ATP7A: variants seen among roughly 807,000 people sequenced by gnomAD.
The protein encoded by ATP7A is copper-transporting ATPase 1.
In ATP7A, 7 loss-of-function variants were observed where a neutral mutation model predicts 83.5. That is an observed-to-expected ratio of 0.08 (90% CI 0.05 to 0.16). ATP7A has a LOEUF of 0.16. ATP7A is among the 10% of genes least tolerant of loss of function. ATP7A has a pLI of 1.00. For synonymous variants in ATP7A, 354 were observed against 395.2 expected (o/e 0.90, Z 1.24); for missense variants, 940 against 1,120.8 (o/e 0.84, Z 2.30).
chrX:78,012,855 A>G lies in ATP7A; in HGVS notation c.2173-24A>G, dbSNP rs373061724. The G allele has an allele frequency of 1.5e-3, 1,707 of 1,140,414 alleles. 1 individual carries two copies. The highest frequency in any genetic ancestry group is 2.7e-3 in the South Asian group (150 of 55,334). 94.0% of individuals were successfully genotyped at this position (1,140,414 alleles called of 1,213,427 possible). A position where few individuals can be genotyped will look rare whatever the true frequency, so the allele number is the denominator to read the frequency against. ...GAATTTCAGCATTTTTTAAAATTCA[A>G]TGATTATCATTCCTATATTGCAGTT... On this transcript the variant is annotated intron_variant, in intron 9 of 22. Transcript: ENST00000341514.
intron 1 of ATP7A, among the ~76,000 whole-genome samples, chrX:77,927,813 G>A (rs1416506602): frequency 9.1e-6 from 1 of 110,413 alleles, no homozygotes; most frequent in Non-Finnish European, 1.9e-5. Flanking sequence ...GGTGTGTGAT[G>A]TTCCCCTTCG....
At chrX:77,950,050 A>G (rs1433975241) in intron 1 of ATP7A, among the ~76,000 whole-genome samples, 4 of 111,961 alleles carry the variant, frequency 3.6e-5, no homozygotes, top group Non-Finnish European at 7.5e-5. Flanking sequence ...GGACCTCTTC[A>G]CTGGCACTGG....
intron 1 of ATP7A, chrX:77,963,906 G>A (rs1189737470): frequency 8.9e-6 from 1 of 112,619 alleles, no homozygotes; most frequent in Non-Finnish European, 1.9e-5. Flanking sequence ...CAGCTAAGAA[G>A]TCTTTATTTC....
chrX:77,962,807 C>T (rs782093408), intron 1 of ATP7A: 9 of 386,461 alleles, frequency 2.3e-5, no homozygotes, highest in South Asian at 1.2e-4. Flanking sequence ...AAGAGCTTGC[C>T]GTCAAATGTA....
intron 1 of ATP7A, among the ~76,000 whole-genome samples, chrX:77,939,264 T>C (rs1395289287): frequency 2.8e-5 from 3 of 109,075 alleles, no homozygotes; most frequent in African/African-American, 1.0e-4. Context: ...ACCACTGCAC[T>C]CCAGCCTGGG....
intron 1 of ATP7A, among the ~76,000 whole-genome samples, chrX:77,941,137 G>A (rs782371713): frequency 1.2e-4 from 13 of 111,733 alleles, no homozygotes; most frequent in Non-Finnish European, 1.9e-4. Context: ...CATGCCCTTT[G>A]TCCTAGCAAT....
intron 17 of ATP7A, among the ~76,000 whole-genome samples, chrX:78,038,306 G>A: frequency 9.1e-6 from 1 of 109,647 alleles, no homozygotes; most frequent in Non-Finnish European, 1.9e-5. Flanking sequence ...TATTAGGATG[G>A]GGCAGGAGAA....
chrX:77,999,010 TTTTTGAGACCGAGTC>T (rs1431958055), intron 5 of ATP7A, among the ~76,000 whole-genome samples: 2 of 109,299 alleles, frequency 1.8e-5, no homozygotes, highest in African/African-American at 3.3e-5. Context: ...TTTTTTTTTT[TTTTTGAGACCGAGTC>T]TTGCTCTGTC....
Position 78,046,853 on chromosome X carries a change from G to A in ATP7A, c.*283G>A. 1 of 235,577 alleles carries A rather than the reference G, an allele frequency of 4.2e-6. No homozygotes were observed. The highest frequency in any genetic ancestry group is 7.4e-6 in the Non-Finnish European group (1 of 135,601). The allele number at this position is 235,577 out of a possible 1,213,427, so 19.4% of individuals were successfully genotyped here. On this transcript the variant is annotated 3_prime_UTR_variant, in exon 23 of 23. Coordinates refer to ENST00000341514, the MANE Select transcript of ATP7A (RefSeq NM_000052.7). ...ACAAGCCCTACAATTAGAGATTGCT[G>A]AACTGCTGCTAAAGTGATTTTTTTT...
chrX:77,915,987 C>T (rs2077182929), intron 1 of ATP7A, among the ~76,000 whole-genome samples: 1 of 112,127 alleles, frequency 8.9e-6, no homozygotes, highest in East Asian at 2.9e-4. Flanking sequence ...TCCCAAAGTG[C>T]TGGGATTACA....
chrX:78,038,754 G>C, intron 17 of ATP7A, 82 bp from the exon 18 acceptor site: 1 of 1,072,651 alleles, frequency 9.3e-7, no homozygotes, highest in Non-Finnish European at 1.3e-6. Flanking sequence ...ACTGTGCAAG[G>C]TTAGACAGGA....
intron 21 of ATP7A, among the ~76,000 whole-genome samples, chrX:78,044,274 A>AT (rs1234960478): frequency 9.2e-6 from 1 of 108,847 alleles, no homozygotes; most frequent in Non-Finnish European, 1.9e-5. Context: ...AAAAAAAAAA[A>AT]ATTCATACCT....
rs191221030 is a variant in ATP7A, at chrX:78,004,861, C to T, written c.1707+1625C>T. ...CTGCGCCACTGCACTCCAGCCTGGG[C>T]GACACAGTGAGATTCCATCTCAAAA... is the stretch of plus-strand genomic sequence containing the variant. On this transcript the variant is annotated intron_variant, in intron 6 of 22. Coordinates refer to ENST00000341514, the MANE Select transcript of ATP7A (RefSeq NM_000052.7). Among the ~76,000 whole-genome samples, 968 of 110,166 alleles carry T rather than the reference C, an allele frequency of 8.8e-3. 10 individuals are homozygous for T. Among genetic ancestry groups the T allele is most frequent in the African/African-American group, 0.03 (899 of 30,315 alleles).
At chrX:78,007,448 A>C (rs1386472837) in intron 6 of ATP7A, among the ~76,000 whole-genome samples, 2 of 110,512 alleles carry the variant, frequency 1.8e-5, no homozygotes, top group South Asian at 3.8e-4. Context: ...GCCTCAGCCT[A>C]CCGAGTAGCT....
At chrX:77,932,232 G>T (rs1470448409) in intron 1 of ATP7A, among the ~76,000 whole-genome samples, 3 of 109,210 alleles carry the variant, frequency 2.7e-5, no homozygotes, top group Non-Finnish European at 5.7e-5. Flanking sequence ...AGACGGGGTC[G>T]CGGCCGGGCA....
chrX:77,977,888 C>G (rs782256894), intron 2 of ATP7A, among the ~76,000 whole-genome samples: 2 of 111,587 alleles, frequency 1.8e-5, no homozygotes, highest in Non-Finnish European at 3.8e-5. Flanking sequence ...AGTCAAAAGC[C>G]CTTATGTTAG....
At chrX:77,912,531 A>G (rs1271660885) in intron 1 of ATP7A, among the ~76,000 whole-genome samples, 3 of 111,774 alleles carry the variant, frequency 2.7e-5, no homozygotes, top group African/African-American at 9.8e-5. Flanking sequence ...AACATATCCA[A>G]CTGCCCTCCA....
intron 1 of ATP7A, among the ~76,000 whole-genome samples, chrX:77,934,940 G>T (rs961363966): frequency 2.8e-5 from 3 of 107,770 alleles, no homozygotes; most frequent in African/African-American, 1.0e-4. Context: ...AGAGTAGCTG[G>T]GACTGCAGGT....
intron 1 of ATP7A, among the ~76,000 whole-genome samples, chrX:77,912,898 A>G (rs1048513883): frequency 2.7e-5 from 3 of 111,690 alleles, no homozygotes; most frequent in Admixed American, 1.9e-4. Context: ...CCCTCAAGAT[A>G]AGGTTAAACA....
Sources: gnomAD v4.1 joint callset for allele counts (sites outside exome capture counted in the v4.1 genomes callset) on GRCh38, gnomAD v4.1.1 for gene constraint, MANE v1.5 for transcripts, NCBI Gene and HGNC (gene_info 2026-07-23, HGNC 2026-07-21) for gene names.